CHLSN: variants seen among roughly 807,000 people sequenced by gnomAD.
CHLSN encodes the protein cholesin, also known as protein cholesin.
the CHLSN span, among the ~76,000 whole-genome samples, chr7:1,047,056 TTTTG>T: frequency 6.6e-6 from 1 of 152,220 alleles, no homozygotes; most frequent in Non-Finnish European, 1.5e-5. Context: ...AGGAAGTCTT[TTTTG>T]TTTGTTTTTG....
chr7:1,117,065 GGAT>G, the CHLSN span, among the ~76,000 whole-genome samples: 1 of 108,328 alleles, frequency 9.2e-6, no homozygotes, highest in Non-Finnish European at 1.8e-5. Flanking sequence ...CGCCCACGCA[GGAT>G]GATGACATCA....
the CHLSN span, among the ~76,000 whole-genome samples, chr7:1,071,105 TG>T: frequency 6.6e-6 from 1 of 152,064 alleles, no homozygotes; most frequent in Non-Finnish European, 1.5e-5. Flanking sequence ...ACAGGAGCCA[TG>T]GGGGGGCCAT....
chr7:1,107,771 C>CTGTGTCCCA, the CHLSN span, among the ~76,000 whole-genome samples: 2,100 of 151,334 alleles, frequency 0.014, 79 homozygotes, highest in East Asian at 0.14. Context: ...CAGAGGAGGG[C>CTGTGTCCCA]TGTGTCCCAC....
chr7:1,032,760 C>G, the CHLSN span, among the ~76,000 whole-genome samples: 1 of 152,234 alleles, frequency 6.6e-6, no homozygotes, highest in Non-Finnish European at 1.5e-5. Flanking sequence ...GGCAGGAAAA[C>G]CACCCAATCA....
the CHLSN span, among the ~76,000 whole-genome samples, chr7:1,105,466 G>A: frequency 6.6e-6 from 1 of 152,196 alleles, no homozygotes; most frequent in African/African-American, 2.4e-5. Flanking sequence ...AAGCAGCAAA[G>A]GAATCAATGA....
the CHLSN span, among the ~76,000 whole-genome samples, chr7:1,111,860 G>A: frequency 7.9e-5 from 12 of 152,010 alleles, no homozygotes; most frequent in African/African-American, 2.7e-4. Context: ...GTGAGGACTC[G>A]CTGTGGATGG....
chr7:986,546 C>T, the CHLSN span: 25 of 1,545,350 alleles, frequency 1.6e-5, no homozygotes, highest in Non-Finnish European at 2.2e-5. Context: ...AACACAGCCG[C>T]TGGGGACGAT....
the CHLSN span, among the ~76,000 whole-genome samples, chr7:1,088,950 A>G: frequency 2.6e-5 from 4 of 152,016 alleles, no homozygotes; most frequent in African/African-American, 9.7e-5. This position sits in a 1 kb window ranked among gnomAD's most constrained non-coding sequence, Gnocchi z 4.5. Context: ...AAAAGACTCA[A>G]TTTACATGGG....
the CHLSN span, among the ~76,000 whole-genome samples, chr7:1,039,452 C>T: frequency 2.0e-4 from 15 of 74,454 alleles, no homozygotes; most frequent in African/African-American, 1.2e-3. Flanking sequence ...CCAGCCGCCC[C>T]GTCCGGGAGG....
At chr7:1,086,627 G>T in the CHLSN span, among the ~76,000 whole-genome samples, 1 of 152,314 alleles carries the variant, frequency 6.6e-6, no homozygotes, top group Admixed American at 6.5e-5. Context: ...TGCCCCTGGA[G>T]GCCCAGCACC....
the CHLSN span, among the ~76,000 whole-genome samples, chr7:1,013,697 C>G: frequency 1.3e-5 from 2 of 152,176 alleles, no homozygotes; most frequent in Non-Finnish European, 1.5e-5. Flanking sequence ...AAGGAAGCAC[C>G]GGCCTGTCAC....
the CHLSN span, among the ~76,000 whole-genome samples, chr7:1,129,093 C>G: frequency 3.1e-4 from 3 of 9,648 alleles, no homozygotes; most frequent in African/African-American, 1.6e-3. Flanking sequence ...GCAGTGGCGC[C>G]ATCTCGGCTC....
chr7:1,093,112 G>T, the CHLSN span: 1 of 652,886 alleles, frequency 1.5e-6, no homozygotes. Flanking sequence ...AAAGGCCAGC[G>T]GTGACCAGCC....
the CHLSN span, chr7:987,393 T>A: frequency 1.3e-6 from 2 of 1,595,184 alleles, no homozygotes; most frequent in South Asian, 2.2e-5. Context: ...CTGGGCGGAC[T>A]CCCCGGCTGG....
the CHLSN span, among the ~76,000 whole-genome samples, chr7:1,070,949 A>AG: frequency 6.8e-5 from 10 of 147,818 alleles, no homozygotes; most frequent in South Asian, 4.4e-4. Context: ...ATGCACACAC[A>AG]CACAGCACAG....
the CHLSN span, among the ~76,000 whole-genome samples, chr7:1,050,310 C>G: frequency 1.3e-5 from 2 of 152,270 alleles, no homozygotes; most frequent in East Asian, 1.9e-4. Flanking sequence ...AGGAACAGAA[C>G]AGATCCCCAG....
At chr7:1,117,404 T>G in the CHLSN span, among the ~76,000 whole-genome samples, 1 of 116,680 alleles carries the variant, frequency 8.6e-6, no homozygotes, top group Non-Finnish European at 1.7e-5. Context: ...CCACGCAGGA[T>G]GACATCACTG....
the CHLSN span, chr7:1,076,184 T>G: frequency 6.6e-6 from 1 of 152,542 alleles, no homozygotes; most frequent in African/African-American, 2.4e-5. Flanking sequence ...CAAAATCGGC[T>G]GGAATAAGCA....
At chr7:1,049,841 G>A in the CHLSN span, among the ~76,000 whole-genome samples, 5 of 152,308 alleles carry the variant, frequency 3.3e-5, no homozygotes, top group Admixed American at 6.5e-5. Context: ...TGACAGAGAA[G>A]CCACCAAGGT....
Sources: allele counts gnomAD v4.1 joint callset (sites outside exome capture counted in the v4.1 genomes callset), GRCh38; gene constraint gnomAD v4.1.1; non-coding constraint Gnocchi (gnomAD v3.1); transcripts MANE v1.5; gene names NCBI Gene and HGNC (gene_info 2026-07-23, HGNC 2026-07-21).